Variants in MSMO1 observed in about 807,000 individuals in gnomAD.
The protein encoded by MSMO1 is C-4 methylsterol oxidase.
In MSMO1, 18 loss-of-function variants were observed where a neutral mutation model predicts 30.4. The ratio of observed to expected loss-of-function variants is 0.59; its 90% CI spans 0.41 to 0.88. The LOEUF (loss-of-function observed/expected upper bound fraction) is 0.88. Ranked by LOEUF, MSMO1 falls within the 40% of genes least tolerant of loss-of-function variation. The pLI, the probability that MSMO1 is intolerant of heterozygous loss-of-function variation, is 0.00. For missense variants in MSMO1, 284 were observed against 340.5 expected, an observed-to-expected ratio of 0.83 and a Z score of 1.31; for synonymous variants, 84 against 107.9, an observed-to-expected ratio of 0.78 and a Z score of 1.37.
Position 165,333,383 on chromosome 4 carries a change from G to C in MSMO1, c.13G>C (p.Glu5Gln), listed in dbSNP as rs146748626. ...AGAGATTTGAAAAATGGCAACAAAT[G>C]AAAGTGTCAGCATCTTTAGTTCAGC... MATN[E>Q]SVSIFSSASL... is the part of the protein sequence containing the mutation. The change falls in exon 2 of 6, where the codon GAA (glutamate) becomes CAA (glutamine). Residue 5 changes from glutamate (E) to glutamine (Q), a missense_variant. Transcript: ENST00000261507. The C allele has an allele frequency of 1.7e-4, 266 of 1,611,738 alleles. No homozygotes were observed. In the African/African-American group the frequency reaches 3.3e-3, roughly 20 times the overall value.
rs869192459 is a variant in MSMO1, at chr4:165,339,096, CTTTTTTTTT to C, written c.531+335_531+343del. Among the ~76,000 whole-genome samples the C allele has an allele frequency of 5.9e-3, 358 of 60,542 alleles. 1 individual carries two copies. Among genetic ancestry groups the C allele is most frequent in the South Asian group, 0.013 (14 of 1,044 alleles). The allele number at this position is 60,542 out of a possible 152,430, so 39.7% of individuals were successfully genotyped here. Reference sequence around the variant, plus strand: ...AAAACAGTAACTTCTATGAGCACTGCTTTTTTTTTTTTTTTTTTTTTTTTTGAGATAGAG... The same window carrying C: ...AAAACAGTAACTTCTATGAGCACTGCTTTTTTTTTTTTTTTTGAGATAGAG... On this transcript the variant is annotated intron_variant, in intron 4 of 5. Transcript: ENST00000261507.
At chr4:165,340,080 A>G (rs185559162) in intron 4 of MSMO1, 141 bp from the exon 5 acceptor site, 26 of 711,224 alleles carry the variant, frequency 3.7e-5, no homozygotes, top group Non-Finnish European at 5.8e-5. Flanking sequence ...AATGTTAACA[A>G]CATCTAAAAA....
chr4:165,330,737 C>G (rs1747365721), intron 1 of MSMO1, among the ~76,000 whole-genome samples: 1 of 151,956 alleles, frequency 6.6e-6, no homozygotes, highest in Non-Finnish European at 1.5e-5. Flanking sequence ...CGGAGTTTTG[C>G]TGTTGGTGCC....
At chr4:165,340,402 A>C (rs1372676607) in intron 5 of MSMO1, 27 bp downstream of exon 5, 11 of 1,575,174 alleles carry the variant, frequency 7.0e-6, no homozygotes, top group African/African-American at 1.3e-5. Context: ...GTTCAGGTAT[A>C]AAGCATAATG....
chr4:165,330,727 C>T (rs961027020), intron 1 of MSMO1, among the ~76,000 whole-genome samples: 10 of 151,890 alleles, frequency 6.6e-5, no homozygotes, highest in Admixed American at 2.0e-4. Flanking sequence ...TTTTTTGAGA[C>T]GGAGTTTTGC....
At chr4:165,340,491 A>G in intron 5 of MSMO1, 116 bp downstream of exon 5, 1 of 865,100 alleles carries the variant, frequency 1.2e-6, no homozygotes, top group Non-Finnish European at 1.8e-6. Context: ...TCTTAATGTT[A>G]TATTAAGAAA....
At chr4:165,329,547 A>G (rs1246915299) in intron 1 of MSMO1, among the ~76,000 whole-genome samples, 1 of 150,690 alleles carries the variant, frequency 6.6e-6, no homozygotes, top group African/African-American at 2.5e-5. Context: ...AGAAGTATCA[A>G]ATCTTCCAGA....
intron 1 of MSMO1, 37 bp from the exon 2 acceptor site, chr4:165,333,303 A>G: frequency 6.6e-7 from 1 of 1,508,492 alleles, no homozygotes; most frequent in Non-Finnish European, 9.1e-7. Context: ...TTGAAAGCTC[A>G]TTGTTTAACT....
chr4:165,342,159 G>T lies in MSMO1; in HGVS notation c.*213G>T, dbSNP rs1747733290. ...TAGAAATGAATAAATATATATTTAA[G>T]TACAGTTTTCATGAGGAAGTTTTAA... On this transcript the variant is annotated 3_prime_UTR_variant, in exon 6 of 6. Transcript: ENST00000261507. 1 of 447,314 alleles carries T rather than the reference G, an allele frequency of 2.2e-6. No individual in the cohort carries two copies. The highest frequency in any genetic ancestry group is 4.0e-6 in the Non-Finnish European group (1 of 249,952). 27.7% of individuals were successfully genotyped at this position (447,314 alleles called of 1,614,324 possible).
At chr4:165,330,955 A>T (rs1482505113) in intron 1 of MSMO1, among the ~76,000 whole-genome samples, 2 of 152,210 alleles carry the variant, frequency 1.3e-5, no homozygotes, top group East Asian at 3.8e-4. Context: ...AAAGAAAGAT[A>T]AATGGGACAG....
chr4:165,331,236 C>T (rs1747379657), intron 1 of MSMO1, among the ~76,000 whole-genome samples: 1 of 149,964 alleles, frequency 6.7e-6, no homozygotes, highest in Non-Finnish European at 1.5e-5. Flanking sequence ...CCTGGGAGGT[C>T]GAGGCTGCAA....
chr4:165,330,786 C>T (rs184496395), intron 1 of MSMO1, among the ~76,000 whole-genome samples: 1 of 152,238 alleles, frequency 6.6e-6, no homozygotes, highest in Non-Finnish European at 1.5e-5. Context: ...AAACCTCCAC[C>T]TCCTCATTTC....
chr4:165,336,147 A>T (rs894946281), intron 2 of MSMO1, among the ~76,000 whole-genome samples: 17 of 152,080 alleles, frequency 1.1e-4, no homozygotes, highest in South Asian at 2.1e-4. Context: ...AGAACAGACA[A>T]CTGGAGAGCT....
At position 165,338,795 on chromosome 4, in the gene MSMO1, T is replaced by A; in HGVS notation, c.531+17T>A. 3 of 1,568,202 alleles carry A rather than the reference T, an allele frequency of 1.9e-6. No individual in the cohort carries two copies. Among genetic ancestry groups the A allele is most frequent in the Non-Finnish European group, 2.6e-6 (3 of 1,141,814 alleles). ...GAGTTTCAGGTATGTGAGAGTTATA[T>A]TTAATTCTTTCTGTTAGAGGCAAAA... On this transcript the variant is annotated intron_variant, in intron 4 of 5. Transcript: ENST00000261507.
In MSMO1 at chr4:165,333,449, A is replaced by G; in HGVS notation, c.79A>G (p.Asn27Asp). The part of the protein sequence containing the change: ...VEYVDSLLPE[N>D]PLQEPFKNAW... ...ATATGTAGATTCACTTTTACCTGAG[A>G]ATCCTCTGCAAGAACCATTTAAAAA... The change falls in exon 2 of 6, where the codon AAT becomes GAT. Residue 27 changes from asparagine (N) to aspartate (D), a missense_variant. By Grantham distance (23) the Asn-to-Asp change is conservative. Transcript: ENST00000261507. 2 of 1,612,734 alleles carry G rather than the reference A, an allele frequency of 1.2e-6. No individual in the cohort carries two copies. Among genetic ancestry groups the G allele is most frequent in the South Asian group, 2.2e-5 (2 of 90,896 alleles).
chr4:165,336,119 G>A (rs1056319856), intron 2 of MSMO1, among the ~76,000 whole-genome samples: 4 of 151,922 alleles, frequency 2.6e-5, no homozygotes, highest in Non-Finnish European at 5.9e-5. Flanking sequence ...TAGTACTAAA[G>A]ACTTTCTGCT....
intron 5 of MSMO1, among the ~76,000 whole-genome samples, chr4:165,341,082 T>C (rs1055050880): frequency 1.3e-5 from 2 of 152,098 alleles, no homozygotes; most frequent in Non-Finnish European, 2.9e-5. Context: ...TTCCTTCCTC[T>C]AAGCTCCTCA....
rs74369037 is a variant in MSMO1, at chr4:165,336,911, C to T, written c.256-878C>T. Among the ~76,000 whole-genome samples, 486 of 152,276 alleles carry T rather than the reference C, an allele frequency of 3.2e-3. 3 individuals carry two copies. The highest frequency in any genetic ancestry group is 2.4e-3 in the Non-Finnish European group (164 of 68,030). Reference sequence around the variant, plus strand: ...TTAGTCCAACTTCTGCTAATAACTGCGTGTGTGACCCTGCCCAAGCTGGTT... The same window carrying T: ...TTAGTCCAACTTCTGCTAATAACTGTGTGTGTGACCCTGCCCAAGCTGGTT... On this transcript the variant is annotated intron_variant, in intron 2 of 5. Coordinates refer to ENST00000261507, the MANE Select transcript of MSMO1 (RefSeq NM_006745.5).
intron 5 of MSMO1, among the ~76,000 whole-genome samples, chr4:165,340,970 C>T (rs1370279066): frequency 6.6e-6 from 1 of 152,040 alleles, no homozygotes; most frequent in Non-Finnish European, 1.5e-5. Context: ...GCTAAAGTAG[C>T]AAAATTAATG....
Sources: allele counts gnomAD v4.1 joint callset (sites outside exome capture counted in the v4.1 genomes callset), GRCh38; gene constraint gnomAD v4.1.1; transcripts MANE v1.5; gene names NCBI Gene and HGNC (gene_info 2026-07-23, HGNC 2026-07-21).